LRMDA: variants seen among roughly 807,000 people sequenced by gnomAD.
LRMDA encodes leucine-rich melanocyte differentiation-associated protein.
In LRMDA, 18 loss-of-function variants were observed where a neutral mutation model predicts 29.8. The observed-to-expected ratio is 0.60, with a 90% CI of 0.42 to 0.90. The LOEUF is 0.90. Ranked by LOEUF, LRMDA falls within the 40% of genes least tolerant of loss-of-function variation. LRMDA has a pLI of 0.00. For synonymous variants in LRMDA, 125 were observed against 109.4 expected, an observed-to-expected ratio of 1.14 and a Z score of -0.89; for missense variants, 273 against 273.9, an observed-to-expected ratio of 1.00 and a Z score of 0.02.
chr10:75,463,372 C>T (rs756766655), intron 2 of LRMDA, among the ~76,000 whole-genome samples: 1 of 152,094 alleles, frequency 6.6e-6, no homozygotes, highest in African/African-American at 2.4e-5. Flanking sequence ...CTGACTTGAG[C>T]GTCAAGGAGT....
chr10:75,570,016 A>G (rs1840418950), intron 2 of LRMDA, among the ~76,000 whole-genome samples: 1 of 152,268 alleles, frequency 6.6e-6, no homozygotes, highest in Admixed American at 6.5e-5. Context: ...GGGTGTACAC[A>G]GTATATTAGC....
chr10:75,694,169 G>A (rs536569408), intron 2 of LRMDA, among the ~76,000 whole-genome samples: 3 of 152,302 alleles, frequency 2.0e-5, no homozygotes, highest in African/African-American at 4.8e-5. Flanking sequence ...ATGTTTGTGT[G>A]TTTATAATAC....
At chr10:76,216,812 C>T (rs998464451) in intron 5 of LRMDA, among the ~76,000 whole-genome samples, 50 of 152,074 alleles carry the variant, frequency 3.3e-4, no homozygotes, top group African/African-American at 1.1e-3. Flanking sequence ...TGTAAATGTT[C>T]GATAGGACGC....
chr10:76,302,813 A>G (rs2573555), intron 5 of LRMDA, among the ~76,000 whole-genome samples: 132,878 of 152,184 alleles, frequency 0.87, 58,731 homozygotes, highest in Non-Finnish European at 0.95. Flanking sequence ...TTATTTCTGC[A>G]AGTCCTAAGT....
intron 2 of LRMDA, chr10:75,450,413 G>T (rs984192517): frequency 1.3e-5 from 2 of 151,886 alleles, no homozygotes; most frequent in Non-Finnish European, 2.9e-5. Context: ...CTTTTTCTCT[G>T]GTTCTGAAGA....
At chr10:75,978,970 G>A (rs914385794) in intron 2 of LRMDA, among the ~76,000 whole-genome samples, 1 of 152,154 alleles carries the variant, frequency 6.6e-6, no homozygotes. Context: ...GTTTGAATCT[G>A]TAACCTGCCA....
intron 2 of LRMDA, among the ~76,000 whole-genome samples, chr10:75,518,782 A>T (rs1483814541): frequency 6.6e-6 from 1 of 151,892 alleles, no homozygotes. Flanking sequence ...TAGTTCTTTT[A>T]ATTGTGATGT....
intron 5 of LRMDA, among the ~76,000 whole-genome samples, chr10:76,173,254 G>C (rs547360171): frequency 6.6e-6 from 1 of 151,996 alleles, no homozygotes; most frequent in African/African-American, 2.4e-5. Flanking sequence ...AATGAACAAA[G>C]AAACTGTGAG....
At chr10:75,630,717 G>A (rs1037812885) in intron 2 of LRMDA, among the ~76,000 whole-genome samples, 1 of 152,216 alleles carries the variant, frequency 6.6e-6, no homozygotes. Flanking sequence ...ACAAGGCATA[G>A]CATTCAAAAG....
At chr10:75,550,993 A>G (rs1262535306) in intron 2 of LRMDA, among the ~76,000 whole-genome samples, 14 of 151,878 alleles carry the variant, frequency 9.2e-5, no homozygotes. Context: ...CATATGTTAT[A>G]AACTCTACTG....
At chr10:76,364,278 A>C (rs770480133) in intron 6 of LRMDA, among the ~76,000 whole-genome samples, 1 of 152,184 alleles carries the variant, frequency 6.6e-6, no homozygotes, top group Non-Finnish European at 1.5e-5. Context: ...CTCACAGCTT[A>C]AGTGAGATTT....
At chr10:76,055,695 G>A (rs1024164599) in intron 4 of LRMDA, among the ~76,000 whole-genome samples, 1 of 152,264 alleles carries the variant, frequency 6.6e-6, no homozygotes, top group African/African-American at 2.4e-5. Context: ...GCTGGAAGCA[G>A]CAGGCTGGGC....
At chr10:75,936,951 A>G (rs148387473) in intron 2 of LRMDA, among the ~76,000 whole-genome samples, 2 of 152,258 alleles carry the variant, frequency 1.3e-5, no homozygotes, top group Non-Finnish European at 2.9e-5. Context: ...TCTCATCTTT[A>G]TTTTGGTTTA....
intron 5 of LRMDA, among the ~76,000 whole-genome samples, chr10:76,083,498 C>T (rs1849080323): frequency 6.6e-6 from 1 of 152,158 alleles, no homozygotes; most frequent in Non-Finnish European, 1.5e-5. Context: ...GTTGGCCTCA[C>T]CACACCTAAA....
In LRMDA at chr10:76,047,301, C is replaced by T. The variant is rs748106283; in HGVS notation, c.396C>T (p.Tyr132=). The T allele has an allele frequency of 1.2e-6, 2 of 1,608,720 alleles. No individual in the cohort carries two copies. The highest frequency in any genetic ancestry group is 1.7e-5 in the Admixed American group (1 of 58,876). Residue 132 remains tyrosine, a splice_region_variant and synonymous_variant, in exon 4 of 7, where the codon TAC becomes TAT. Transcript: ENST00000611255. ...AGGATGAGGAAGACTACAAGAGATA[C>T]AGGTGAGTGTCCAGGGGTTGGACCA... The part of the protein sequence containing the change: ...LEKDEEDYKR[Y]RCFVLYKLPN...
chr10:75,772,882 A>G (rs1213365610), intron 2 of LRMDA, among the ~76,000 whole-genome samples: 5 of 147,750 alleles, frequency 3.4e-5, no homozygotes, highest in Non-Finnish European at 7.5e-5. Context: ...GGGGGGGCAG[A>G]TTAATCAGGG....
intron 2 of LRMDA, among the ~76,000 whole-genome samples, chr10:75,825,018 A>G (rs542772669): frequency 2.2e-3 from 339 of 152,268 alleles, no homozygotes; most frequent in Non-Finnish European, 3.9e-3. Flanking sequence ...AGGTGTGTAG[A>G]CCTAACACCT....
chr10:75,600,645 G>C (rs1165828651), intron 2 of LRMDA, among the ~76,000 whole-genome samples: 1 of 152,166 alleles, frequency 6.6e-6, no homozygotes, highest in Non-Finnish European at 1.5e-5. Flanking sequence ...GTGGGGCAGG[G>C]GTAGTGTGGG....
At chr10:75,552,291 A>C (rs891112625) in intron 2 of LRMDA, among the ~76,000 whole-genome samples, 6 of 151,832 alleles carry the variant, frequency 4.0e-5, no homozygotes, top group African/African-American at 1.5e-4. Context: ...AGATACTTTC[A>C]CTTGTATAGA....
Sources: allele counts gnomAD v4.1 joint callset (sites outside exome capture counted in the v4.1 genomes callset), GRCh38; gene constraint gnomAD v4.1.1; transcripts MANE v1.5; gene names NCBI Gene and HGNC (gene_info 2026-07-23, HGNC 2026-07-21).